Variants in WDFY3 observed in about 807,000 individuals in gnomAD.
WDFY3 encodes WD repeat and FYVE domain containing 3, also known as WD repeat and FYVE domain-containing protein 3.
A neutral mutation model predicts 409.6 loss-of-function variants in WDFY3; 66 were observed. The observed-to-expected ratio is 0.16, with a 90% confidence interval of 0.13 to 0.20. WDFY3 has a LOEUF of 0.20. Among genes scored for constraint, WDFY3 ranks in the 10% least tolerant of loss-of-function variants. WDFY3 has a pLI of 1.00. For missense variants in WDFY3, 3,031 were observed against 4,298.1 expected (o/e 0.71, Z 8.24); for synonymous variants, 1,521 against 1,537.1 (o/e 0.99, Z 0.25).
At chr4:84,712,840 T>G (rs1265762706) in intron 51 of WDFY3, among the ~76,000 whole-genome samples, 4 of 152,152 alleles carry the variant, frequency 2.6e-5, no homozygotes, top group African/African-American at 9.7e-5. Flanking sequence ...TTTTTAAAGA[T>G]GAGAGGGAAT....
chr4:84,753,732 C>T lies in WDFY3; in HGVS notation c.5704G>A (p.Val1902Ile), dbSNP rs1200637414. 6.9e-6 allele frequency: 11 copies of T among 1,600,048 alleles called. No individual in the cohort carries two copies. Among genetic ancestry groups the T allele is most frequent in the African/African-American group, 2.7e-5 (2 of 74,280 alleles). Residue 1902 changes from valine to isoleucine, a missense_variant, in exon 35 of 68, where the codon GTC (valine) becomes ATC (isoleucine). Val to Ile is a conservative substitution (Grantham distance 29). Coordinates refer to ENST00000295888, the MANE Select transcript of WDFY3 (RefSeq NM_014991.6). ...TAAGGGCGAATATTGAAGGGGAAGA[C>T]GGTGGCTGCTAATGCACACAGGAAG... ...PDFLCALAAT[V>I]FPFNIRPYSE... is the part of the protein sequence containing the mutation.
intron 6 of WDFY3, among the ~76,000 whole-genome samples, chr4:84,839,007 AC>A (rs1171950316): frequency 6.6e-6 from 1 of 152,184 alleles, no homozygotes; most frequent in Non-Finnish European, 1.5e-5. Flanking sequence ...GTAGCTCCAA[AC>A]ATAACACTGA....
chr4:84,869,060 G>C (rs1367836836), intron 3 of WDFY3, among the ~76,000 whole-genome samples: 1 of 152,154 alleles, frequency 6.6e-6, no homozygotes, highest in Non-Finnish European at 1.5e-5. Context: ...CTGTAGTTCA[G>C]GTCATTTAGC....
chr4:84,800,440 A>G (rs1271363419), intron 17 of WDFY3, among the ~76,000 whole-genome samples: 1 of 152,166 alleles, frequency 6.6e-6, no homozygotes, highest in African/African-American at 2.4e-5. Context: ...AAATACACAT[A>G]TGTAAGTATA....
intron 49 of WDFY3, among the ~76,000 whole-genome samples, chr4:84,716,503 T>C (rs1489938428): frequency 7.4e-6 from 1 of 134,878 alleles, no homozygotes; most frequent in African/African-American, 2.8e-5. Context: ...AATTTTAAAA[T>C]AATACATTTT....
At chr4:84,939,020 A>G (rs1363394348) in intron 1 of WDFY3, among the ~76,000 whole-genome samples, 1 of 152,128 alleles carries the variant, frequency 6.6e-6, no homozygotes, top group African/African-American at 2.4e-5. Flanking sequence ...AATTGATCCA[A>G]TAACATCCTG....
At position 84,772,344 on chromosome 4, in the gene WDFY3, C is replaced by G. The variant is rs926316536; in HGVS notation, c.4849+491G>C. Among the ~76,000 whole-genome samples, 2 of 152,136 alleles carry G rather than the reference C, an allele frequency of 1.3e-5. 1 individual carries two copies. Among genetic ancestry groups the G allele is most frequent in the East Asian group, 3.9e-4 (2 of 5,174 alleles). ...CCAAAAAAAGTACTTGTCATGGACC[C>G]AGGAACTTACAACTTATGAAATTAT... On this transcript the variant is annotated intron_variant, in intron 30 of 67. Transcript: ENST00000295888.
intron 30 of WDFY3, among the ~76,000 whole-genome samples, chr4:84,767,712 T>G (rs2149400848): frequency 6.6e-6 from 1 of 152,212 alleles, no homozygotes; most frequent in South Asian, 2.1e-4. Flanking sequence ...CAACATTCCC[T>G]TAAGCTAAAA....
chr4:84,955,202 C>CA (rs1289054208), intron 1 of WDFY3, among the ~76,000 whole-genome samples: 1,271 of 95,920 alleles, frequency 0.013, 3 homozygotes, highest in Middle Eastern at 0.043. Context: ...AACACTGTCT[C>CA]AAAAAAAAAA....
intron 55 of WDFY3, among the ~76,000 whole-genome samples, chr4:84,702,747 T>C (rs1578184202): frequency 6.6e-6 from 1 of 152,198 alleles, no homozygotes; most frequent in Non-Finnish European, 1.5e-5. Flanking sequence ...AATGTAAAGA[T>C]TTTAAAAAGT....
chr4:84,822,387 C>G (rs960257364), intron 10 of WDFY3, among the ~76,000 whole-genome samples: 1 of 152,020 alleles, frequency 6.6e-6, no homozygotes, highest in Non-Finnish European at 1.5e-5. Flanking sequence ...AGAGAACTAC[C>G]AAAATTAGTA....
chr4:84,736,507 G>C (rs1026559540), intron 41 of WDFY3, among the ~76,000 whole-genome samples, 180 bp from the exon 42 acceptor site: 3 of 151,472 alleles, frequency 2.0e-5, no homozygotes, highest in African/African-American at 7.3e-5. Context: ...AAGGATGACT[G>C]CTCGCAAATT....
chr4:84,691,820 C>G (rs1397642433), intron 59 of WDFY3, 35 bp from the exon 60 acceptor site: 2 of 1,555,242 alleles, frequency 1.3e-6, no homozygotes, highest in Non-Finnish European at 1.8e-6. Flanking sequence ...AGGACAGGAA[C>G]AGGAAAAACT....
chr4:84,782,045 G>A (rs1268458049), intron 25 of WDFY3, among the ~76,000 whole-genome samples: 3 of 152,082 alleles, frequency 2.0e-5, no homozygotes, highest in Non-Finnish European at 4.4e-5. Context: ...TTTGAATGGC[G>A]TGATTGGTTT....
intron 2 of WDFY3, among the ~76,000 whole-genome samples, chr4:84,898,626 G>A (rs1213561713): frequency 6.6e-6 from 1 of 152,150 alleles, no homozygotes; most frequent in Non-Finnish European, 1.5e-5. Flanking sequence ...AAAAGTAATA[G>A]TAAATCATAA....
rs1315349771 is a variant in WDFY3 at position 84,966,330 on chromosome 4, G to A, written c.-347C>T. On this transcript the variant is annotated 5_prime_UTR_variant, in exon 1 of 68. Transcript: ENST00000295888. ...GGGCGACCGGCGCGACGTCCGCGGC[G>A]GGGCCCGGGAGCCCCGCGCCGCGGG... The A allele has an allele frequency of 6.7e-6, 1 of 149,466 alleles. No homozygotes were observed. The highest frequency in any genetic ancestry group is 1.5e-5 in the Non-Finnish European group (1 of 67,120). 9.3% of individuals were successfully genotyped at this position (149,466 alleles called of 1,614,324 possible). A position where few individuals can be genotyped will look rare whatever the true frequency, so the allele number is the denominator to read the frequency against.
At chr4:84,771,437 C>T (rs909621533) in intron 30 of WDFY3, among the ~76,000 whole-genome samples, 2 of 152,120 alleles carry the variant, frequency 1.3e-5, no homozygotes, top group Non-Finnish European at 2.9e-5. Context: ...CATGTTCAGC[C>T]CACATATTTT....
intron 51 of WDFY3, among the ~76,000 whole-genome samples, 182 bp from the exon 52 acceptor site, chr4:84,709,529 G>C (rs920532946): frequency 6.6e-6 from 1 of 152,186 alleles, no homozygotes; most frequent in African/African-American, 2.4e-5. Context: ...AAGTAACATA[G>C]AACTGAACTG....
chr4:84,817,449 C>T lies in WDFY3; in HGVS notation c.1830G>A (p.Leu610=). ...PNGDDDMGTL[L]GLMHSAPPTE... ...TCGGTGGGGCTGAATGCATTAGCCCCAGGAGAGTGCCCATGTCATCGTCCC... is the reference window on the plus strand; with the variant it reads ...TCGGTGGGGCTGAATGCATTAGCCCTAGGAGAGTGCCCATGTCATCGTCCC... The change falls in exon 13 of 68, where the codon CTG becomes CTA. Residue 610 remains leucine, a synonymous_variant. Coordinates refer to ENST00000295888, the MANE Select transcript of WDFY3 (RefSeq NM_014991.6). 1 of 1,613,800 alleles carries T rather than the reference C, an allele frequency of 6.2e-7. No homozygotes were observed. The highest frequency in any genetic ancestry group is 8.5e-7 in the Non-Finnish European group (1 of 1,179,786).
Sources: gnomAD v4.1 joint callset for allele counts (sites outside exome capture counted in the v4.1 genomes callset) on GRCh38, gnomAD v4.1.1 for gene constraint, MANE v1.5 for transcripts, NCBI Gene and HGNC (gene_info 2026-07-23, HGNC 2026-07-21) for gene names.